The following PTPN3 variants were observed in gnomAD, a reference collection of about 807,000 sequenced individuals.
The protein encoded by PTPN3 is protein tyrosine phosphatase non-receptor type 3.
A neutral mutation model predicts 132.7 loss-of-function variants in PTPN3; 96 were observed. The ratio of observed to expected loss-of-function variants is 0.72; its 90% CI spans 0.61 to 0.86. The LOEUF is 0.86. Ranked by LOEUF, PTPN3 falls within the 40% of genes least tolerant of loss-of-function variation. The pLI is 0.00. For synonymous variants in PTPN3, 398 were observed against 429.0 expected (o/e 0.93, Z 0.89); for missense variants, 1,125 against 1,159.6 (o/e 0.97, Z 0.43).
chr9:109,519,236 G>T, the PTPN3 span, among the ~76,000 whole-genome samples: 2 of 152,206 alleles, frequency 1.3e-5, no homozygotes, highest in African/African-American at 2.4e-5. Context: ...CGACTTTACA[G>T]TGGTGTGAAA....
chr9:109,498,738 G>T (rs1847800950), upstream of PTPN3, among the ~76,000 whole-genome samples: 3 of 152,196 alleles, frequency 2.0e-5, no homozygotes, highest in South Asian at 6.2e-4. This position sits in a 1 kb window ranked among gnomAD's most constrained non-coding sequence, Gnocchi z 4.2. Flanking sequence ...AGGCTCGTGG[G>T]ACCCCTACCT....
chr9:109,391,445 A>T, intron 20 of PTPN3, 26 bp downstream of exon 20: 1 of 1,575,708 alleles, frequency 6.3e-7, no homozygotes, highest in Non-Finnish European at 8.7e-7. Flanking sequence ...GTAGGGGGGA[A>T]GGAGGCATTC....
At chr9:109,384,756 C>T (rs1374322208) in intron 22 of PTPN3, among the ~76,000 whole-genome samples, 6 of 152,214 alleles carry the variant, frequency 3.9e-5, no homozygotes, top group Non-Finnish European at 8.8e-5. Flanking sequence ...AGTGGTATAA[C>T]CATAAGACAT....
Position 109,379,467 on chromosome 9 carries a change from G to A in PTPN3, c.*89C>T. On this transcript the variant is annotated 3_prime_UTR_variant, in exon 26 of 26. Transcript: ENST00000374541. The stretch of plus-strand genomic sequence containing the variant: ...TGCCCATTCCTTTCCCACAGCTACT[G>A]GTTCCTCTTGCTGCTTCCAGAGAGG... 1 of 1,221,666 alleles carries A rather than the reference G, an allele frequency of 8.2e-7. No homozygotes were observed. The highest frequency in any genetic ancestry group is 1.8e-5 in the Admixed American group (1 of 56,846). 75.7% of individuals were successfully genotyped at this position (1,221,666 alleles called of 1,614,324 possible).
At chr9:109,510,574 A>ATATAT in the PTPN3 span, among the ~76,000 whole-genome samples, 5 of 49,204 alleles carry the variant, frequency 1.0e-4, no homozygotes, top group Admixed American at 2.6e-4. Context: ...AAAAAAAAAA[A>ATATAT]AAATATATAT....
At chr9:109,427,746 TGTCCTCATTCCTAAGA>T (rs1237963847) in intron 11 of PTPN3, among the ~76,000 whole-genome samples, 2 of 152,230 alleles carry the variant, frequency 1.3e-5, no homozygotes, top group Admixed American at 6.5e-5. Flanking sequence ...TGAGCTTTTG[TGTCCTCATTCCTAAGA>T]GTTCACGGCT....
chr9:109,412,443 G>A (rs996501772), intron 14 of PTPN3, among the ~76,000 whole-genome samples: 3 of 151,130 alleles, frequency 2.0e-5, no homozygotes, highest in Non-Finnish European at 2.9e-5. Flanking sequence ...GTGCAATCTC[G>A]GCTCACTGCA....
chr9:109,433,395 T>C (rs1395900476), intron 9 of PTPN3, among the ~76,000 whole-genome samples: 1 of 152,172 alleles, frequency 6.6e-6, no homozygotes, highest in Admixed American at 6.5e-5. Flanking sequence ...GTGCCACTGG[T>C]CTAGAAAGTT....
Position 109,470,042 on chromosome 9 carries a change from CT to C in PTPN3, c.-17-6592del, listed in dbSNP as rs72168115. Among the ~76,000 whole-genome samples the C allele has an allele frequency of 2.0e-3, 297 of 148,062 alleles. 2 individuals are homozygous for C. The highest frequency in any genetic ancestry group is 6.5e-3 in the African/African-American group (262 of 40,560). On this transcript the variant is annotated intron_variant, in intron 1 of 25. Coordinates refer to ENST00000374541, the MANE Select transcript of PTPN3 (RefSeq NM_002829.4). ...TCAGGAAAGCGCCTTCTTCCCTCTA[CT>C]TTTTTTTTTTCCTTTTAGCTATTTC...
At position 109,420,481 on chromosome 9, in the gene PTPN3, G is replaced by A; in HGVS notation, c.1256C>T (p.Ser419Phe). 6.2e-7 allele frequency: 1 copy of A among 1,613,002 alleles called. No individual in the cohort carries two copies. The highest frequency in any genetic ancestry group is 8.5e-7 in the Non-Finnish European group (1 of 1,179,294). The change falls in exon 14 of 26, where the codon TCT becomes TTT. Residue 419 changes from serine (S) to phenylalanine (F), a missense_variant. Coordinates refer to ENST00000374541, the MANE Select transcript of PTPN3 (RefSeq NM_002829.4). Reference protein sequence around the residue: ...TEDVFYTYKGSLAPQDSDSEV... With the variant: ...TEDVFYTYKGFLAPQDSDSEV... ...AGAATCGCTGTCTTGAGGGGCCAGAGAGCCCTTGTACGTGTAAAATACATC... is the reference window on the plus strand; with the variant it reads ...AGAATCGCTGTCTTGAGGGGCCAGAAAGCCCTTGTACGTGTAAAATACATC...
At chr9:109,455,735 C>T (rs537696354) in intron 4 of PTPN3, among the ~76,000 whole-genome samples, 2 of 152,336 alleles carry the variant, frequency 1.3e-5, no homozygotes, top group South Asian at 4.1e-4. Context: ...TTCTGGCTGT[C>T]CCCTATCGTG....
chr9:109,394,788 G>A (rs1377886073), intron 19 of PTPN3, among the ~76,000 whole-genome samples: 1 of 152,112 alleles, frequency 6.6e-6, no homozygotes, highest in Non-Finnish European at 1.5e-5. Context: ...TCTGCAATGA[G>A]CACTGGAACA....
rs55991908 is a variant in PTPN3, at chr9:109,406,447, C to G, written c.1792+15G>C. ...GACAGCTTCCCTATGGCTCCTCCCCCCAGGTGGCCATTACCTCTCCTCCTG... is the reference window on the plus strand; with the variant it reads ...GACAGCTTCCCTATGGCTCCTCCCCGCAGGTGGCCATTACCTCTCCTCCTG... On this transcript the variant is annotated intron_variant, in intron 18 of 25. Coordinates refer to ENST00000374541, the MANE Select transcript of PTPN3 (RefSeq NM_002829.4). The G allele has an allele frequency of 2.5e-6, 4 of 1,611,228 alleles. No individual in the cohort carries two copies. In the South Asian group the frequency reaches 3.3e-5, roughly 13 times the overall value.
chr9:109,437,992 C>T, intron 8 of PTPN3, 122 bp downstream of exon 8: 1 of 1,249,054 alleles, frequency 8.0e-7, no homozygotes. Flanking sequence ...GTTCAAAAAC[C>T]CCCGACATCT....
In PTPN3 at chr9:109,454,470, A is replaced by C. The variant is rs752987860; in HGVS notation, c.368+26T>G. The C allele has an allele frequency of 1.8e-5, 29 of 1,586,870 alleles. No homozygotes were observed. In the Admixed American group the frequency reaches 4.9e-4, roughly 27 times the overall value. On this transcript the variant is annotated intron_variant, in intron 5 of 25. Transcript: ENST00000374541. ...GGTTACTCATTTTTATACACTAAAC[A>C]GAAAACTTTAAAAAAATGTTGTTAC...
intron 6 of PTPN3, among the ~76,000 whole-genome samples, chr9:109,446,167 G>A (rs881724): frequency 0.34 from 51,346 of 152,066 alleles, 9,604 homozygotes; most frequent in African/African-American, 0.48. Flanking sequence ...GGGCTTGAAG[G>A]GTGGGGAGGT....
Position 109,391,135 on chromosome 9 carries a change from T to A in PTPN3, c.2106+3A>T. 6.2e-7 allele frequency: 1 copy of A among 1,611,986 alleles called. No homozygotes were observed. The highest frequency in any genetic ancestry group is 8.5e-7 in the Non-Finnish European group (1 of 1,178,248). On this transcript the variant is annotated splice_donor_region_variant and intron_variant, in intron 21 of 25. Transcript: ENST00000374541. The stretch of plus-strand genomic sequence containing the variant: ...TTAAGCATCATCCAGATTCCTAACT[T>A]ACGTTCACGTAACTTGCATTAATAT...
At chr9:109,462,543 C>A (rs1333434470) in intron 2 of PTPN3, among the ~76,000 whole-genome samples, 1 of 152,132 alleles carries the variant, frequency 6.6e-6, no homozygotes, top group Non-Finnish European at 1.5e-5. Flanking sequence ...AGGGTTGGGA[C>A]TGATCCTGTT....
At chr9:109,454,046 C>T (rs893323053) in intron 5 of PTPN3, among the ~76,000 whole-genome samples, 11 of 152,126 alleles carry the variant, frequency 7.2e-5, no homozygotes, top group Non-Finnish European at 1.5e-5. Flanking sequence ...ATTCTTATAA[C>T]AAGAGATGTC....
Sources: allele counts gnomAD v4.1 joint callset (sites outside exome capture counted in the v4.1 genomes callset), GRCh38; gene constraint gnomAD v4.1.1; non-coding constraint Gnocchi (gnomAD v3.1); transcripts MANE v1.5; gene names NCBI Gene and HGNC (gene_info 2026-07-23, HGNC 2026-07-21).